The following DHRSX variants were observed in gnomAD, a reference collection of about 807,000 sequenced individuals.
The protein encoded by DHRSX is dehydrogenase/reductase X-linked.
Under a neutral mutation model 34.0 loss-of-function variants are expected in DHRSX, and 31 were observed. The observed-to-expected ratio is 0.91, with a 90% CI of 0.69 to 1.23. The LOEUF is 1.23. Ranked by LOEUF, DHRSX falls within the 50% of genes most tolerant of loss-of-function variation. DHRSX has a pLI of 0.00. For missense variants in DHRSX, 414 were observed against 428.1 expected, an observed-to-expected ratio of 0.97 and a Z score of 0.29; for synonymous variants, 201 against 183.8, an observed-to-expected ratio of 1.09 and a Z score of -0.76.
intron 3 of DHRSX, among the ~76,000 whole-genome samples, chrX:2,320,271 A>G (rs1265231648): frequency 2.5e-5 from 3 of 122,118 alleles, no homozygotes; most frequent in Non-Finnish European, 3.5e-5. Flanking sequence ...AGAGCTTCAC[A>G]TATTTCCCTA....
intron 1 of DHRSX, among the ~76,000 whole-genome samples, chrX:2,465,193 T>G (rs2044473976): frequency 6.6e-6 from 1 of 152,026 alleles, no homozygotes; most frequent in African/African-American, 2.4e-5. Context: ...ATACAAAAGC[T>G]AAGACATTGT....
At position 2,455,649 on chromosome X, in the gene DHRSX, G is replaced by A. The variant is rs761036075; in HGVS notation, c.110-30345C>T. 2.7e-5 allele frequency among the ~76,000 whole-genome samples: 4 copies of A among 149,932 alleles called. No homozygotes were observed. In the East Asian group the frequency reaches 6.0e-4, roughly 22 times the overall value. ...CCAGCTACGTGACAGGCTGATGCGG[G>A]AGAATCCCGTGAACCCTGGAGACGG... On this transcript the variant is annotated intron_variant, in intron 1 of 6. Transcript: ENST00000334651.
chrX:2,348,807 C>T (rs73630286), intron 3 of DHRSX, among the ~76,000 whole-genome samples: 2,990 of 152,034 alleles, frequency 0.02, 98 homozygotes, highest in African/African-American at 0.068. Flanking sequence ...TATTCTCCCT[C>T]CTCAGCCTCC....
intron 1 of DHRSX, chrX:2,489,881 G>A: frequency 1.2e-6 from 2 of 1,613,832 alleles, no homozygotes; most frequent in Non-Finnish European, 1.7e-6. Context: ...GTCCAGCAGG[G>A]AGCACGCCTT....
At chrX:2,295,785 G>C (rs1461418322) in intron 3 of DHRSX, among the ~76,000 whole-genome samples, 1 of 152,126 alleles carries the variant, frequency 6.6e-6, no homozygotes, top group Non-Finnish European at 1.5e-5. Context: ...TAATAAAAGA[G>C]GGCTAGCACT....
intron 1 of DHRSX, among the ~76,000 whole-genome samples, chrX:2,428,759 T>TA (rs2043880978): frequency 6.6e-6 from 1 of 152,126 alleles, no homozygotes; most frequent in Non-Finnish European, 1.5e-5. Flanking sequence ...CCCCAGAACT[T>TA]AAAGTATAAT....
intron 1 of DHRSX, among the ~76,000 whole-genome samples, chrX:2,498,600 CTGT>C (rs200001413): frequency 0.025 from 3,645 of 145,028 alleles, 148 homozygotes; most frequent in African/African-American, 0.087. Context: ...TAACAACCTT[CTGT>C]TGTTGTTTAA....
chrX:2,403,646 A>T (rs1252075124), intron 3 of DHRSX, among the ~76,000 whole-genome samples: 1 of 152,072 alleles, frequency 6.6e-6, no homozygotes, highest in Non-Finnish European at 1.5e-5. Context: ...TCTGAGGTCA[A>T]GAGTTTGAGA....
At chrX:2,308,987 T>C (rs1241687439) in intron 3 of DHRSX, among the ~76,000 whole-genome samples, 2 of 152,072 alleles carry the variant, frequency 1.3e-5, no homozygotes, top group Non-Finnish European at 2.9e-5. Context: ...AACACTGTAC[T>C]GTATGAAAAA....
intron 1 of DHRSX, chrX:2,488,799 C>T (rs1204829221): frequency 1.1e-5 from 17 of 1,613,802 alleles, no homozygotes; most frequent in African/African-American, 4.0e-5. Context: ...TGCTCGTCCA[C>T]GTGCGCGGGA....
Position 2,245,572 on chromosome X carries a change from A to C in DHRSX, c.597-2342T>G, listed in dbSNP as rs2016257909. On this transcript the variant is annotated intron_variant, in intron 5 of 6. Coordinates refer to ENST00000334651, the MANE Select transcript of DHRSX (RefSeq NM_145177.3). ...TGATCCGCCTGCCTCGGCCTCCCAA[A>C]GTGCTGGGATTACAGGCGTGAGCCA... 2.0e-5 allele frequency among the ~76,000 whole-genome samples: 3 copies of C among 150,926 alleles called. No individual in the cohort carries two copies. The South Asian group carries it at 6.3e-4, about 32-fold the overall frequency.
At chrX:2,284,046 G>C (rs982390539) in intron 4 of DHRSX, among the ~76,000 whole-genome samples, 1 of 150,502 alleles carries the variant, frequency 6.6e-6, no homozygotes, top group African/African-American at 2.4e-5. Flanking sequence ...GAATTCATTC[G>C]TTCCTTTGAC....
intron 5 of DHRSX, among the ~76,000 whole-genome samples, chrX:2,246,696 AAGAAAGAAAG>A (rs1439353122): frequency 8.3e-6 from 1 of 121,206 alleles, no homozygotes; most frequent in African/African-American, 3.2e-5. Context: ...AAGAAAAGAA[AAGAAAGAAAG>A]AGAAAGAAAG....
chrX:2,408,661 T>A, intron 3 of DHRSX, 84 bp downstream of exon 3: 1 of 1,247,418 alleles, frequency 8.0e-7, no homozygotes, highest in Non-Finnish European at 1.1e-6. Context: ...GGCACGTGAC[T>A]GAAGCTCAGC....
At chrX:2,256,349 G>T (rs1000626476) in intron 5 of DHRSX, among the ~76,000 whole-genome samples, 22 of 151,070 alleles carry the variant, frequency 1.5e-4, no homozygotes, top group African/African-American at 5.4e-4. Context: ...GGGCTGGAGT[G>T]CAGTAGCATG....
intron 5 of DHRSX, among the ~76,000 whole-genome samples, chrX:2,260,972 G>C (rs1421238524): frequency 1.3e-5 from 2 of 152,094 alleles, no homozygotes; most frequent in Non-Finnish European, 2.9e-5. Flanking sequence ...CACTTTGTGA[G>C]GTCAAGGCAG....
At chrX:2,407,597 G>A (rs1282498168) in intron 3 of DHRSX, among the ~76,000 whole-genome samples, 1 of 152,176 alleles carries the variant, frequency 6.6e-6, no homozygotes, top group Non-Finnish European at 1.5e-5. Context: ...GAATCTGGCT[G>A]CCTTCAGCCA....
At chrX:2,394,401 G>A (rs2043382874) in intron 3 of DHRSX, among the ~76,000 whole-genome samples, 1 of 152,178 alleles carries the variant, frequency 6.6e-6, no homozygotes, top group Non-Finnish European at 1.5e-5. Flanking sequence ...TGAGGACGAG[G>A]TTACAGCTAC....
intron 3 of DHRSX, among the ~76,000 whole-genome samples, chrX:2,404,114 T>C (rs7062927): frequency 0.43 from 65,707 of 151,760 alleles, 14,312 homozygotes; most frequent in East Asian, 0.51. Flanking sequence ...AGATTGATGG[T>C]TGAATGCCTT....
Sources: allele counts gnomAD v4.1 joint callset (sites outside exome capture counted in the v4.1 genomes callset), GRCh38; gene constraint gnomAD v4.1.1; transcripts MANE v1.5; gene names NCBI Gene and HGNC (gene_info 2026-07-23, HGNC 2026-07-21).